The following XKR6 variants were observed in gnomAD, a reference collection of about 807,000 sequenced individuals.
XKR6 encodes the protein XK related 6.
A neutral mutation model predicts 56.7 loss-of-function variants in XKR6; 22 were observed. That is an observed-to-expected ratio of 0.39 (90% CI 0.28 to 0.55). The LOEUF is 0.55. Ranked by LOEUF, XKR6 falls within the 20% of genes least tolerant of loss-of-function variation. The pLI is 0.66. For missense variants in XKR6, 852 were observed against 889.0 expected (o/e 0.96, Z 0.53); for synonymous variants, 524 against 387.8 (o/e 1.35, Z -4.13).
chr8:11,100,879 G>A lies in XKR6; in HGVS notation c.764+99697C>T, dbSNP rs188624106. Among the ~76,000 whole-genome samples, 277 of 152,314 alleles carry A rather than the reference G, an allele frequency of 1.8e-3. 1 individual carries two copies. Among genetic ancestry groups the A allele is most frequent in the Non-Finnish European group, 3.1e-3 (211 of 68,034 alleles). On this transcript the variant is annotated intron_variant, in intron 1 of 2. Coordinates refer to ENST00000416569, the MANE Select transcript of XKR6 (RefSeq NM_173683.4). The stretch of plus-strand genomic sequence containing the variant: ...CGAGTCAGTGCTTTGAAAGGTGGCC[G>A]CAAATGTGATTTATGGGAAGGTGCT...
intron 1 of XKR6, among the ~76,000 whole-genome samples, chr8:11,154,281 T>C (rs552370044): frequency 3.3e-5 from 5 of 152,288 alleles, no homozygotes; most frequent in African/African-American, 1.2e-4. Context: ...AAACATGCTA[T>C]CTCAGGAAGC....
chr8:10,954,972 G>A, intron 1 of XKR6, among the ~76,000 whole-genome samples: 1 of 148,596 alleles, frequency 6.7e-6, no homozygotes. Flanking sequence ...GGGTTCAAGT[G>A]ATTCTCCAGC....
chr8:10,930,687 C>T (rs866921582), intron 1 of XKR6, among the ~76,000 whole-genome samples: 1 of 152,198 alleles, frequency 6.6e-6, no homozygotes, highest in African/African-American at 2.4e-5. Flanking sequence ...AATAACCACA[C>T]ATCATAACAA....
At position 10,946,229 on chromosome 8, in the gene XKR6, C is replaced by T. The variant is rs562412700; in HGVS notation, c.765-21399G>A. Among the ~76,000 whole-genome samples the T allele has an allele frequency of 3.3e-5, 5 of 152,180 alleles. No homozygotes were observed. The South Asian group carries it at 1.0e-3, about 32-fold the overall frequency. On this transcript the variant is annotated intron_variant, in intron 1 of 2. Coordinates refer to ENST00000416569, the MANE Select transcript of XKR6 (RefSeq NM_173683.4). ...CCATGGGGAATGGGGGTGAGATCAG[C>T]TCTGCCCACAGGAGGGAAACACGAA...
intron 1 of XKR6, among the ~76,000 whole-genome samples, chr8:10,972,604 C>G (rs1259594195): frequency 6.6e-6 from 1 of 152,170 alleles, no homozygotes; most frequent in East Asian, 1.9e-4. Flanking sequence ...GTGAAATAAG[C>G]CAGTCACAAA....
At chr8:11,179,472 T>G (rs1298709181) in intron 1 of XKR6, among the ~76,000 whole-genome samples, 1 of 152,114 alleles carries the variant, frequency 6.6e-6, no homozygotes, top group Non-Finnish European at 1.5e-5. Flanking sequence ...CTCAAGGTAC[T>G]ATCAGAATTA....
intron 1 of XKR6, among the ~76,000 whole-genome samples, chr8:11,169,544 ATATCATACAATTCCAC>A (rs1443581203): frequency 6.6e-6 from 1 of 152,252 alleles, no homozygotes; most frequent in Non-Finnish European, 1.5e-5. Context: ...AGAAGGACAA[ATATCATACAATTCCAC>A]TTACATGAGG....
intron 1 of XKR6, chr8:11,137,628 A>G (rs949785532): frequency 4.4e-6 from 2 of 456,270 alleles, no homozygotes; most frequent in Admixed American, 2.3e-5. Context: ...CTCAGGAGAC[A>G]ATGAATGGAA....
intron 1 of XKR6, among the ~76,000 whole-genome samples, chr8:11,169,966 A>C (rs1206347452): frequency 2.3e-5 from 3 of 131,992 alleles, no homozygotes; most frequent in Non-Finnish European, 5.0e-5. Context: ...AGTCATTGTG[A>C]TCTCATAGAC....
chr8:11,010,696 C>T (rs548792224), intron 1 of XKR6, among the ~76,000 whole-genome samples: 3 of 152,314 alleles, frequency 2.0e-5, no homozygotes, highest in Non-Finnish European at 2.9e-5. Context: ...ACTTTTCCCC[C>T]AGTTCCAAGA....
chr8:11,003,383 C>T (rs1159217969), intron 1 of XKR6, among the ~76,000 whole-genome samples: 2 of 152,092 alleles, frequency 1.3e-5, no homozygotes, highest in Non-Finnish European at 2.9e-5. Context: ...CATTACATCA[C>T]TAACAATGTC....
intron 2 of XKR6, among the ~76,000 whole-genome samples, chr8:10,923,475 C>T (rs1405348693): frequency 6.6e-6 from 1 of 152,240 alleles, no homozygotes. Context: ...ACCAGGTCCC[C>T]AGGCTTTGAA....
At chr8:11,183,138 A>G (rs7814499) in intron 1 of XKR6, among the ~76,000 whole-genome samples, 88,402 of 151,964 alleles carry the variant, frequency 0.58, 28,988 homozygotes, top group African/African-American at 0.88. Flanking sequence ...GGTTGCTTCC[A>G]CTTTTGGTTA....
rs548760355 is a variant in XKR6, at chr8:10,996,510, C to T, written c.765-71680G>A. 1.4e-3 allele frequency among the ~76,000 whole-genome samples: 207 copies of T among 152,244 alleles called. 3 individuals carry two copies. Among genetic ancestry groups the T allele is most frequent in the African/African-American group, 4.7e-3 (197 of 41,548 alleles). On this transcript the variant is annotated intron_variant, in intron 1 of 2. Transcript: ENST00000416569. ...CTAAGAGCAAGAAAGAAAATTTTCC[C>T]AATTACAGGTTTTCTCTGCAATTTT...
chr8:11,119,036 A>G (rs1799316041), intron 1 of XKR6, among the ~76,000 whole-genome samples: 1 of 151,986 alleles, frequency 6.6e-6, no homozygotes, highest in African/African-American at 2.4e-5. Context: ...TTCAAAGAAC[A>G]TCTTTATTTC....
At chr8:11,137,908 AT>A in intron 1 of XKR6, 1 of 355,166 alleles carries the variant, frequency 2.8e-6, no homozygotes, top group Non-Finnish European at 5.5e-6. Context: ...TAGGTCCAAA[AT>A]CCTATTTCGT....
chr8:11,048,906 C>T (rs1799476156), intron 1 of XKR6, among the ~76,000 whole-genome samples: 1 of 152,242 alleles, frequency 6.6e-6, no homozygotes, highest in South Asian at 2.1e-4. Flanking sequence ...GCCGGCCCCG[C>T]CTGTCTGTCA....
chr8:11,185,664 T>G (rs928147946), intron 1 of XKR6, among the ~76,000 whole-genome samples: 2 of 152,228 alleles, frequency 1.3e-5, no homozygotes, highest in African/African-American at 4.8e-5. Context: ...ACATTAGCTG[T>G]GCTCACAAAC....
At chr8:11,035,421 T>C in intron 1 of XKR6, 1 of 494,008 alleles carries the variant, frequency 2.0e-6, no homozygotes, top group Non-Finnish European at 4.1e-6. Flanking sequence ...AGAGAGAAGA[T>C]TAAGGCCAAA....
Sources: allele counts gnomAD v4.1 joint callset (sites outside exome capture counted in the v4.1 genomes callset), GRCh38; gene constraint gnomAD v4.1.1; transcripts MANE v1.5; gene names NCBI Gene and HGNC (gene_info 2026-07-23, HGNC 2026-07-21).